Variants in SPEF2 observed in about 807,000 individuals in gnomAD.
The protein encoded by SPEF2 is sperm flagellar and cilia associated 2.
In SPEF2, 187 loss-of-function variants were observed where a neutral mutation model predicts 224.6. The observed-to-expected ratio is 0.83, with a 90% confidence interval of 0.74 to 0.94. The LOEUF (loss-of-function observed/expected upper bound fraction) is 0.94. Among genes scored for constraint, SPEF2 ranks in the 40% least tolerant of loss-of-function variants. The probability of loss-of-function intolerance (pLI) is 0.00; values close to 1 mark genes in which losing one functional copy is unlikely to be tolerated. For missense variants in SPEF2, 2,170 were observed against 2,135.6 expected (o/e 1.02, Z -0.32); for synonymous variants, 715 against 707.3 (o/e 1.01, Z -0.17).
intron 10 of SPEF2, among the ~76,000 whole-genome samples, chr5:35,688,617 A>T (rs553281018): frequency 1.3e-5 from 2 of 152,258 alleles, no homozygotes; most frequent in African/African-American, 2.4e-5. Flanking sequence ...TCATGGTGGG[A>T]TAAAGTCAAC....
At chr5:35,754,593 T>A (rs10044393) in intron 24 of SPEF2, among the ~76,000 whole-genome samples, 80,988 of 152,046 alleles carry the variant, frequency 0.53, 24,385 homozygotes, top group Middle Eastern at 0.7. Context: ...TACAAAGAGA[T>A]GGTTTTTAGG....
At chr5:35,681,074 C>T (rs1048007015) in intron 10 of SPEF2, among the ~76,000 whole-genome samples, 6 of 152,174 alleles carry the variant, frequency 3.9e-5, no homozygotes, top group Non-Finnish European at 8.8e-5. Context: ...TACCTAACCT[C>T]TCACTAACTA....
chr5:35,792,422 T>C lies in SPEF2; in HGVS notation c.4530T>C (p.Asn1510=). ...TTGGCACAAACAACTTTCCTAGTAA[T>C]TGGATGCACCTTACCCAACCTGAAG... ...LNLGTNNFPS[N]WMHLTQPELQ... is the part of the protein sequence containing the mutation. The change falls in exon 31 of 37, where the codon AAT becomes AAC. Residue 1510 remains asparagine, a synonymous_variant. Transcript: ENST00000356031. 5.6e-6 allele frequency: 9 copies of C among 1,613,786 alleles called. No homozygotes were observed. Among genetic ancestry groups the C allele is most frequent in the Non-Finnish European group, 7.6e-6 (9 of 1,179,788 alleles).
intron 11 of SPEF2, among the ~76,000 whole-genome samples, chr5:35,691,816 C>T (rs904269697): frequency 7.3e-5 from 11 of 151,646 alleles, no homozygotes; most frequent in Admixed American, 6.6e-5. Flanking sequence ...TTTATTTTTT[C>T]GAGACAGAGT....
chr5:35,703,875 C>CTA (rs765071824), intron 16 of SPEF2, among the ~76,000 whole-genome samples: 4 of 152,156 alleles, frequency 2.6e-5, no homozygotes, highest in Non-Finnish European at 5.9e-5. Context: ...TGCTCGAACT[C>CTA]TATTAATTTG....
At chr5:35,787,862 A>T in intron 30 of SPEF2, 1 of 559,498 alleles carries the variant, frequency 1.8e-6, no homozygotes, top group Non-Finnish European at 3.2e-6. Flanking sequence ...GAGTTATTTT[A>T]AAGGCAGGAA....
chr5:35,670,821 A>T (rs1055984102), intron 10 of SPEF2: 1 of 979,146 alleles, frequency 1.0e-6, no homozygotes, highest in African/African-American at 1.8e-5. Context: ...TGACCAGTTC[A>T]TTAAGGGCTA....
intron 11 of SPEF2, among the ~76,000 whole-genome samples, 164 bp from the exon 12 acceptor site, chr5:35,692,406 G>T (rs911585969): frequency 6.6e-6 from 1 of 152,086 alleles, no homozygotes. Context: ...GCGAGACTCC[G>T]TCTCAAACAA....
At chr5:35,629,117 C>A (rs1318750343) in intron 2 of SPEF2, among the ~76,000 whole-genome samples, 3 of 150,194 alleles carry the variant, frequency 2.0e-5, no homozygotes, top group Admixed American at 2.0e-4. Context: ...CTTATTTACA[C>A]CAGATTACTT....
In SPEF2 at chr5:35,776,328, A is replaced by T; in HGVS notation, c.4150A>T (p.Lys1384Ter). 1 of 1,613,004 alleles carries T rather than the reference A, an allele frequency of 6.2e-7. No individual in the cohort carries two copies. The highest frequency in any genetic ancestry group is 8.5e-7 in the Non-Finnish European group (1 of 1,179,472). ...ALALLEDLVT[K>*]VVDVYKLMEK... The stretch of plus-strand genomic sequence containing the variant: ...GGCTCTTCTTGAAGATTTAGTAACA[A>T]AGGTGGTTGATGTATATAAACTCAT... Residue 1384 changes from lysine (K) to a stop codon, truncating the protein, a stop_gained, in exon 29 of 37, where the codon AAG (lysine) becomes TAG (stop). Transcript: ENST00000356031. LOFTEE classifies it high-confidence loss of function.
intron 26 of SPEF2, chr5:35,764,567 T>C (rs1281606219): frequency 2.2e-6 from 1 of 456,198 alleles, no homozygotes; most frequent in South Asian, 1.5e-5. Context: ...AGATGTCTTC[T>C]CTTTTCACAA....
At chr5:35,694,100 T>G (rs555526651) in intron 12 of SPEF2, among the ~76,000 whole-genome samples, 188 bp from the exon 13 acceptor site, 1 of 152,314 alleles carries the variant, frequency 6.6e-6, no homozygotes, top group South Asian at 2.1e-4. Context: ...GCAATTATCA[T>G]CCAATATTGT....
intron 12 of SPEF2, 131 bp from the exon 13 acceptor site, chr5:35,694,156 TA>T: frequency 1.5e-6 from 1 of 685,538 alleles, no homozygotes; most frequent in Admixed American, 3.0e-5. Flanking sequence ...TAATCTCCTT[TA>T]AAATCATTAA....
chr5:35,744,888 C>G (rs989211145), intron 23 of SPEF2, among the ~76,000 whole-genome samples: 8 of 152,154 alleles, frequency 5.3e-5, no homozygotes, highest in Non-Finnish European at 1.5e-5. Flanking sequence ...CAAGAACAAA[C>G]CAGCAATCCC....
At chr5:35,670,896 A>G (rs1751146221) in intron 10 of SPEF2, 1 of 985,300 alleles carries the variant, frequency 1.0e-6, no homozygotes, top group Admixed American at 6.2e-5. Context: ...TTAAAATAAC[A>G]TGAGTTAAAC....
Position 35,700,690 on chromosome 5 carries a change from AT to A in SPEF2, c.2340del (p.Phe780LeufsTer5), listed in dbSNP as rs1561221074. The A allele has an allele frequency of 6.2e-7, 1 of 1,613,912 alleles. No individual in the cohort carries two copies. The highest frequency in any genetic ancestry group is 2.2e-5 in the East Asian group (1 of 44,864). On this transcript the variant is annotated frameshift_variant, in exon 16 of 37. Coordinates refer to ENST00000356031, the MANE Select transcript of SPEF2 (RefSeq NM_024867.4). LOFTEE classifies it high-confidence loss of function. ...KEIPLPSPAF[D>X]FVILLDVSDT... ...ATACCTCTTCCCTCTCCTGCATTTG[AT>A]TTTGTCATATTATTAGATGTTTCAG...
intron 30 of SPEF2, among the ~76,000 whole-genome samples, chr5:35,783,475 G>A (rs1416399369): frequency 6.6e-6 from 1 of 152,088 alleles, no homozygotes; most frequent in Non-Finnish European, 1.5e-5. Context: ...CATAGAATGT[G>A]CAATTTAAGT....
chr5:35,784,094 G>A (rs1754735753), intron 30 of SPEF2, among the ~76,000 whole-genome samples: 1 of 151,768 alleles, frequency 6.6e-6, no homozygotes, highest in South Asian at 2.1e-4. Flanking sequence ...AGCTGACAAG[G>A]ACCCCTTCTT....
intron 13 of SPEF2, 88 bp downstream of exon 13, chr5:35,694,451 G>A (rs1472873501): frequency 8.5e-7 from 1 of 1,175,316 alleles, no homozygotes; most frequent in Non-Finnish European, 1.2e-6. Flanking sequence ...ATGCTTTCAG[G>A]GAAATAAACG....
Sources: allele counts gnomAD v4.1 joint callset (sites outside exome capture counted in the v4.1 genomes callset), GRCh38; gene constraint gnomAD v4.1.1; transcripts MANE v1.5; gene names NCBI Gene and HGNC (gene_info 2026-07-23, HGNC 2026-07-21).